Variants in GABBR2 observed in about 807,000 individuals in gnomAD.
GABBR2 encodes the protein G-protein coupled receptor 51.
GABBR2 carries 23 observed loss-of-function variants against 105.6 expected under a neutral mutation model. The observed-to-expected ratio is 0.22, with a 90% CI of 0.16 to 0.31. GABBR2 has a LOEUF of 0.31. Ranked by LOEUF, GABBR2 falls within the 10% of genes least tolerant of loss-of-function variation. The probability of loss-of-function intolerance (pLI) is 1.00; values close to 1 mark genes in which losing one functional copy is unlikely to be tolerated. For missense variants in GABBR2, 734 were observed against 1,245.5 expected (o/e 0.59, Z 6.18); for synonymous variants, 478 against 499.7 (o/e 0.96, Z 0.58).
intron 2 of GABBR2, among the ~76,000 whole-genome samples, chr9:98,550,731 G>A (rs545498262): frequency 5.9e-5 from 9 of 152,254 alleles, no homozygotes; most frequent in African/African-American, 2.2e-4. Flanking sequence ...TGTAAGCTCT[G>A]CCCTGCCTGC....
intron 7 of GABBR2, 62 bp from the exon 8 acceptor site, chr9:98,406,203 G>A (rs1027890563): frequency 1.6e-5 from 14 of 899,392 alleles, no homozygotes; most frequent in East Asian, 7.8e-5. Context: ...TAGCCCAAAC[G>A]CCACTGATCT....
intron 1 of GABBR2, among the ~76,000 whole-genome samples, chr9:98,623,252 C>G (rs1829692554): frequency 6.6e-6 from 1 of 152,128 alleles, no homozygotes; most frequent in Non-Finnish European, 1.5e-5. Context: ...CGGTAAAACC[C>G]TGTCTCTACA....
chr9:98,603,774 A>G (rs1449686604), intron 1 of GABBR2, among the ~76,000 whole-genome samples: 2 of 152,222 alleles, frequency 1.3e-5, no homozygotes, highest in African/African-American at 2.4e-5. Context: ...CAGACCTTCC[A>G]GGGTAGCACA....
At chr9:98,384,754 G>C (rs1832041547) in intron 11 of GABBR2, among the ~76,000 whole-genome samples, 1 of 152,180 alleles carries the variant, frequency 6.6e-6, no homozygotes, top group South Asian at 2.1e-4. Flanking sequence ...GGATGATACA[G>C]CCCCCTTGGG....
At chr9:98,576,029 G>A (rs907074676) in intron 2 of GABBR2, among the ~76,000 whole-genome samples, 2 of 152,140 alleles carry the variant, frequency 1.3e-5, no homozygotes, top group Non-Finnish European at 2.9e-5. Context: ...TCCTTGACCC[G>A]GGGCTAAGTG....
At chr9:98,297,807 A>G (rs923337236) in intron 17 of GABBR2, among the ~76,000 whole-genome samples, 24 of 150,716 alleles carry the variant, frequency 1.6e-4, no homozygotes, top group African/African-American at 5.6e-4. Flanking sequence ...GAATCACTTG[A>G]GGTCAGGAGT....
intron 1 of GABBR2, among the ~76,000 whole-genome samples, chr9:98,591,326 C>T (rs546176107): frequency 4.6e-5 from 7 of 152,130 alleles, no homozygotes; most frequent in Admixed American, 3.3e-4. Context: ...AGCAGGAGCA[C>T]AGGATGGAGA....
chr9:98,355,412 G>A (rs1197044677), intron 13 of GABBR2, among the ~76,000 whole-genome samples: 3 of 152,120 alleles, frequency 2.0e-5, no homozygotes, highest in Non-Finnish European at 2.9e-5. Context: ...GCAATAAAGT[G>A]AGGTATGCCT....
intron 5 of GABBR2, among the ~76,000 whole-genome samples, chr9:98,475,847 G>C (rs1826782182): frequency 6.6e-6 from 1 of 152,188 alleles, no homozygotes; most frequent in South Asian, 2.1e-4. Flanking sequence ...CGGATCACTT[G>C]AGGTCAGGAG....
intron 8 of GABBR2, among the ~76,000 whole-genome samples, chr9:98,402,320 C>CT (rs1832408484): frequency 6.6e-6 from 1 of 152,126 alleles, no homozygotes; most frequent in African/African-American, 2.4e-5. Flanking sequence ...AACATGGATA[C>CT]TTTTTTTCTC....
At chr9:98,386,494 C>A (rs1258476815) in intron 10 of GABBR2, among the ~76,000 whole-genome samples, 2 of 152,176 alleles carry the variant, frequency 1.3e-5, no homozygotes, top group Admixed American at 6.5e-5. Flanking sequence ...ACCCACTACC[C>A]CTGTCTTCAC....
At chr9:98,463,548 A>T (rs1588174107) in intron 6 of GABBR2, among the ~76,000 whole-genome samples, 1 of 150,686 alleles carries the variant, frequency 6.6e-6, no homozygotes, top group East Asian at 2.3e-4. Context: ...AATGGAAAAG[A>T]AAAAGATAAA....
intron 3 of GABBR2, among the ~76,000 whole-genome samples, chr9:98,498,568 A>T (rs1299819051): frequency 6.6e-6 from 1 of 152,204 alleles, no homozygotes; most frequent in African/African-American, 2.4e-5. Flanking sequence ...CTTTGACAGA[A>T]ATATGAAGCA....
chr9:98,331,630 G>C (rs1051544615), intron 13 of GABBR2, among the ~76,000 whole-genome samples: 1 of 152,056 alleles, frequency 6.6e-6, no homozygotes, highest in African/African-American at 2.4e-5. Flanking sequence ...AGTAAATGTG[G>C]GTTTGGCAGA....
At chr9:98,481,406 AG>A (rs924846739) in intron 4 of GABBR2, among the ~76,000 whole-genome samples, 4 of 152,228 alleles carry the variant, frequency 2.6e-5, no homozygotes, top group African/African-American at 9.6e-5. Context: ...ATGAGGAGAA[AG>A]GAGCTTCTAA....
chr9:98,562,994 C>A (rs956854337), intron 2 of GABBR2, among the ~76,000 whole-genome samples: 1 of 138,684 alleles, frequency 7.2e-6, no homozygotes, highest in African/African-American at 2.7e-5. Flanking sequence ...CGCTTGAGCC[C>A]GGGAAATGGA....
intron 1 of GABBR2, among the ~76,000 whole-genome samples, chr9:98,641,674 A>C (rs111784763): frequency 8.5e-4 from 129 of 152,298 alleles, no homozygotes; most frequent in African/African-American, 2.7e-3. Context: ...GGTTTTGAGT[A>C]GAGAATCCAT....
intron 1 of GABBR2, among the ~76,000 whole-genome samples, chr9:98,706,456 C>T (rs1487648704): frequency 1.3e-5 from 2 of 152,222 alleles, no homozygotes; most frequent in Non-Finnish European, 2.9e-5. Flanking sequence ...CTTCTGTCTT[C>T]CTTCCCACTG....
At chr9:98,640,829 T>A (rs1243044676) in intron 1 of GABBR2, among the ~76,000 whole-genome samples, 1 of 152,068 alleles carries the variant, frequency 6.6e-6, no homozygotes, top group East Asian at 1.9e-4. Context: ...CAGGGCAGTG[T>A]GCCTGAGGGA....
Sources: gnomAD v4.1 joint callset for allele counts (sites outside exome capture counted in the v4.1 genomes callset) on GRCh38, gnomAD v4.1.1 for gene constraint, MANE v1.5 for transcripts, NCBI Gene and HGNC (gene_info 2026-07-23, HGNC 2026-07-21) for gene names.